Variants in CWC22 observed in about 807,000 individuals in gnomAD.
CWC22 encodes CWC22 spliceosome associated protein, also known as pre-mRNA-splicing factor CWC22 homolog.
In CWC22, 53 loss-of-function variants were observed where a neutral mutation model predicts 117.2. The ratio of observed to expected loss-of-function variants is 0.45; its 90% CI spans 0.36 to 0.57. The LOEUF is 0.57. CWC22 is among the 20% of genes least tolerant of loss of function. CWC22 has a pLI of 0.00. For missense variants in CWC22, 980 were observed against 1,068.8 expected, an observed-to-expected ratio of 0.92 and a Z score of 1.16; for synonymous variants, 360 against 355.6, an observed-to-expected ratio of 1.01 and a Z score of -0.14.
Position 179,945,557 on chromosome 2 carries a change from G to A in CWC22, c.2299C>T (p.His767Tyr). 1 of 1,613,194 alleles carries A rather than the reference G, an allele frequency of 6.2e-7. No homozygotes were observed. The highest frequency in any genetic ancestry group is 8.5e-7 in the Non-Finnish European group (1 of 1,179,422). ...GAACCACTTGAATTTTGATCTCTGT[G>A]TTTTTCTGACCTTCTTTCTCTCTCA... ...RTERERRSEKHRDQNSSGSNW... is the reference protein window; with the variant it reads ...RTERERRSEKYRDQNSSGSNW... The change falls in exon 20 of 20, where the codon CAC (histidine) becomes TAC (tyrosine). Residue 767 changes from histidine to tyrosine, a missense_variant. By Grantham distance (83) the His-to-Tyr change is moderately conservative (BLOSUM62 2). Coordinates refer to ENST00000410053, the MANE Select transcript of CWC22 (RefSeq NM_020943.3).
intron 4 of CWC22, among the ~76,000 whole-genome samples, chr2:179,983,456 T>C (rs1418783287): frequency 6.6e-6 from 1 of 152,192 alleles, no homozygotes. Flanking sequence ...TTCTTTTTTA[T>C]GGCTGCATAG....
In CWC22 at chr2:179,988,618, T is replaced by C. The variant is rs1687480792; in HGVS notation, c.54A>G (p.Glu18=). 2 of 1,525,860 alleles carry C rather than the reference T, an allele frequency of 1.3e-6. No individual in the cohort carries two copies. Among genetic ancestry groups the C allele is most frequent in the East Asian group, 4.8e-5 (2 of 41,766 alleles). The allele number at this position is 1,525,860 out of a possible 1,614,324, so 94.5% of individuals were successfully genotyped here. A position where few individuals can be genotyped will look rare whatever the true frequency, so the allele number is the denominator to read the frequency against. The change falls in exon 3 of 20, where the codon GAA becomes GAG. Residue 18 remains glutamate, a synonymous_variant. Coordinates refer to ENST00000410053, the MANE Select transcript of CWC22 (RefSeq NM_020943.3). ...AGTTCCTCTGATATGAATTAAGGTT[T>C]TCCCTTCTGTCATGACCAGAAGAAG... ...IKPSSGHDRR[E]NLNSYQRNSS...
Position 179,954,979 on chromosome 2 carries a change from T to G in CWC22, c.1514A>C (p.Lys505Thr). 1 of 1,600,348 alleles carries G rather than the reference T, an allele frequency of 6.2e-7. No individual in the cohort carries two copies. The highest frequency in any genetic ancestry group is 8.5e-7 in the Non-Finnish European group (1 of 1,172,688). ...CACCCCAGCTAATAAGCCAAAAAATTTTTCGTATGTCCTCTGTTGGGCACA... is the reference window on the plus strand; with the variant it reads ...CACCCCAGCTAATAAGCCAAAAAATGTTTCGTATGTCCTCTGTTGGGCACA... The part of the protein sequence containing the change: ...DCCAQQRTYE[K>T]FFGLLAGRFC... Residue 505 changes from lysine to threonine, a missense_variant, in exon 15 of 20, where the codon AAA (lysine) becomes ACA (threonine). Transcript: ENST00000410053.
intron 1 of CWC22, among the ~76,000 whole-genome samples, chr2:179,999,325 T>TA (rs1214207055): frequency 6.6e-6 from 1 of 152,122 alleles, no homozygotes; most frequent in Non-Finnish European, 1.5e-5. Flanking sequence ...GGTGAATTAT[T>TA]AAATTTCTTT....
chr2:179,972,741 C>T (rs1687062222), intron 8 of CWC22, among the ~76,000 whole-genome samples: 1 of 152,120 alleles, frequency 6.6e-6, no homozygotes, highest in African/African-American at 2.4e-5. Flanking sequence ...GGCGTGGTGG[C>T]TCACACCTGT....
chr2:180,001,037 C>T (rs80093688), intron 1 of CWC22, among the ~76,000 whole-genome samples: 418 of 152,218 alleles, frequency 2.7e-3, no homozygotes, highest in African/African-American at 8.5e-3. Flanking sequence ...CCCCAATGTG[C>T]TTCTTTTCAA....
intron 12 of CWC22, 57 bp downstream of exon 12, chr2:179,965,821 C>T: frequency 1.6e-6 from 2 of 1,249,782 alleles, no homozygotes; most frequent in Non-Finnish European, 2.3e-6. Context: ...TAGAAGATTA[C>T]ATTAGAATTA....
chr2:179,945,370 G>A lies in CWC22; in HGVS notation c.2486C>T (p.Ser829Phe). ...TGTATGCTTCTCATTTTCAGAAAAAGAATTTCTTCTCTCTCCTCTCTTCTT... is the reference window on the plus strand; with the variant it reads ...TGTATGCTTCTCATTTTCAGAAAAAAAATTTCTTCTCTCTCCTCTCTTCTT... ...PKKKRGERRN[S>F]FSENEKHTHR... Residue 829 changes from serine to phenylalanine, a missense_variant, in exon 20 of 20, where the codon TCT becomes TTT. Physicochemically the swap from Ser to Phe is radical, Grantham distance 155. Around this residue, in one of 3 missense-constraint regions of CWC22, gnomAD observed 306 missense variants for 296.8 expected, o/e 1.03. Coordinates refer to ENST00000410053, the MANE Select transcript of CWC22 (RefSeq NM_020943.3). 1 of 1,612,288 alleles carries A rather than the reference G, an allele frequency of 6.2e-7. No homozygotes were observed. The highest frequency in any genetic ancestry group is 1.1e-5 in the South Asian group (1 of 90,766).
chr2:179,959,868 GGTGA>G (rs1267370070), intron 13 of CWC22, among the ~76,000 whole-genome samples: 4 of 151,910 alleles, frequency 2.6e-5, no homozygotes, highest in African/African-American at 9.7e-5. Flanking sequence ...ACTTTAAAAG[GGTGA>G]GTATCATAGC....
At chr2:179,946,466 G>A (rs75951933) in intron 19 of CWC22, among the ~76,000 whole-genome samples, 9,203 of 99,946 alleles carry the variant, frequency 0.092, 744 homozygotes, top group East Asian at 0.25. Context: ...AAAAAAAAAG[G>A]GGGGGGGGGA....
rs576206334 is a variant in CWC22, at chr2:179,977,849, A to T, written c.581+341T>A. On this transcript the variant is annotated intron_variant, in intron 6 of 19. Coordinates refer to ENST00000410053, the MANE Select transcript of CWC22 (RefSeq NM_020943.3). ...ATACACAATTTTTACTTGTCAATTT[A>T]AAAAAGAAATAAAAAATTAAATTAG... is the stretch of plus-strand genomic sequence containing the variant. Among the ~76,000 whole-genome samples, 592 of 152,322 alleles carry T rather than the reference A, an allele frequency of 3.9e-3. 3 individuals are homozygous for T. Among genetic ancestry groups the T allele is most frequent in the African/African-American group, 0.013 (544 of 41,582 alleles).
chr2:179,984,548 G>A (rs113355795), intron 4 of CWC22, among the ~76,000 whole-genome samples: 111 of 151,422 alleles, frequency 7.3e-4, no homozygotes, highest in African/African-American at 2.7e-3. Flanking sequence ...AAATTCCTGT[G>A]GGGGGTATAA....
chr2:179,985,456 C>G (rs972798924), intron 4 of CWC22, among the ~76,000 whole-genome samples: 1 of 152,034 alleles, frequency 6.6e-6, no homozygotes, highest in Non-Finnish European at 1.5e-5. Flanking sequence ...GAGAGTCTCT[C>G]CCCACATGTA....
Position 179,945,337 on chromosome 2 carries a change from A to G in CWC22, c.2519T>C (p.Ile840Thr). Residue 840 changes from isoleucine to threonine, a missense_variant, in exon 20 of 20, where the codon ATT becomes ACT. Transcript: ENST00000410053. Reference protein sequence around the residue: ...FSENEKHTHRIKDSENFRRKD... With the variant: ...FSENEKHTHRTKDSENFRRKD... Reference sequence around the variant, plus strand: ...TCTTCTGAAATTTTCACTGTCTTTAATTCGGTGTGTATGCTTCTCATTTTC... The same window carrying G: ...TCTTCTGAAATTTTCACTGTCTTTAGTTCGGTGTGTATGCTTCTCATTTTC... The G allele has an allele frequency of 6.2e-7, 1 of 1,613,246 alleles. No individual in the cohort carries two copies. Among genetic ancestry groups the G allele is most frequent in the South Asian group, 1.1e-5 (1 of 90,964 alleles).
At chr2:179,952,316 G>GTGTA (rs1320910783) in intron 17 of CWC22, among the ~76,000 whole-genome samples, 155 bp downstream of exon 17, 1 of 152,050 alleles carries the variant, frequency 6.6e-6, no homozygotes, top group Non-Finnish European at 1.5e-5. Context: ...ATGTTGTCCT[G>GTGTA]TGTGACATAA....
At chr2:179,982,730 G>T (rs1019806759) in intron 4 of CWC22, among the ~76,000 whole-genome samples, 2 of 152,124 alleles carry the variant, frequency 1.3e-5, no homozygotes, top group African/African-American at 4.8e-5. Flanking sequence ...TTCTTAAGCT[G>T]AGGCTTTTAA....
intron 1 of CWC22, among the ~76,000 whole-genome samples, chr2:179,999,763 A>G (rs1019394704): frequency 4.6e-5 from 7 of 152,206 alleles, no homozygotes; most frequent in African/African-American, 1.4e-4. Flanking sequence ...CTAAATAGTA[A>G]AAACAGGTTT....
chr2:179,977,644 T>C (rs1015874071), intron 6 of CWC22, among the ~76,000 whole-genome samples: 2 of 152,206 alleles, frequency 1.3e-5, no homozygotes, highest in Non-Finnish European at 2.9e-5. Flanking sequence ...AGATCCATTC[T>C]ACAATATTTT....
intron 1 of CWC22, among the ~76,000 whole-genome samples, chr2:180,001,634 G>T (rs76437064): frequency 3.3e-5 from 5 of 152,246 alleles, no homozygotes; most frequent in East Asian, 3.9e-4. Context: ...CCAGCCTGAT[G>T]TCTCTAATTC....
Sources: gnomAD v4.1 joint callset for allele counts (sites outside exome capture counted in the v4.1 genomes callset) on GRCh38, gnomAD v4.1.1 for gene constraint, gnomAD v4.1.1 regional missense constraint, MANE v1.5 for transcripts, NCBI Gene and HGNC (gene_info 2026-07-23, HGNC 2026-07-21) for gene names.